Variants in GNAO1 observed in about 807,000 individuals in gnomAD.
The protein encoded by GNAO1 is guanine nucleotide-binding protein G(o) subunit alpha.
For missense variants in GNAO1, 166 were observed against 478.7 expected, an observed-to-expected ratio of 0.35 and a Z score of 6.10; for synonymous variants, 164 against 180.7, an observed-to-expected ratio of 0.91 and a Z score of 0.74.
chr16:56,213,983 C>A (rs1316691794), intron 2 of GNAO1, among the ~76,000 whole-genome samples: 1 of 152,088 alleles, frequency 6.6e-6, no homozygotes. Context: ...ATTCCGCTGC[C>A]AGGCCTAGGG....
At chr16:56,344,096 TCCTCCACCCGCA>T in intron 6 of GNAO1, 1 of 1,460,262 alleles carries the variant, frequency 6.8e-7, no homozygotes, top group East Asian at 2.5e-5. Flanking sequence ...GGAGGGAGCA[TCCTCCACCCGCA>T]CCCCCCAACA....
intron 2 of GNAO1, among the ~76,000 whole-genome samples, chr16:56,228,840 C>T (rs1375200134): frequency 6.6e-6 from 1 of 152,206 alleles, no homozygotes; most frequent in Non-Finnish European, 1.5e-5. Flanking sequence ...CTTCACTTAC[C>T]CTGCTTCATA....
chr16:56,331,480 G>A (rs1477107904), intron 4 of GNAO1, among the ~76,000 whole-genome samples: 1 of 152,154 alleles, frequency 6.6e-6, no homozygotes, highest in Non-Finnish European at 1.5e-5. Flanking sequence ...ATGGCTCATA[G>A]CCCAGTCCTA....
At chr16:56,296,920 A>G (rs9937815) in intron 3 of GNAO1, among the ~76,000 whole-genome samples, 42,716 of 151,992 alleles carry the variant, frequency 0.28, 6,469 homozygotes, top group Middle Eastern at 0.36. Context: ...TACAAGGTAT[A>G]CATTATTCAG....
intron 2 of GNAO1, among the ~76,000 whole-genome samples, chr16:56,237,748 T>C (rs1444838935): frequency 6.6e-6 from 1 of 151,742 alleles, no homozygotes; most frequent in Non-Finnish European, 1.5e-5. Flanking sequence ...TGCAAAGAAA[T>C]AACAAACACT....
intron 3 of GNAO1, among the ~76,000 whole-genome samples, chr16:56,294,632 A>G (rs565512625): frequency 1.8e-4 from 27 of 152,316 alleles, no homozygotes; most frequent in Admixed American, 5.9e-4. Flanking sequence ...GTAACTACCC[A>G]GGAATAGAAT....
At chr16:56,261,016 A>G (rs1046239048) in intron 2 of GNAO1, among the ~76,000 whole-genome samples, 6 of 152,226 alleles carry the variant, frequency 3.9e-5, no homozygotes, top group African/African-American at 1.4e-4. Flanking sequence ...ACGTCCATGT[A>G]GTCAGAGATG....
At chr16:56,227,619 T>C (rs2036543642) in intron 2 of GNAO1, among the ~76,000 whole-genome samples, 1 of 130,746 alleles carries the variant, frequency 7.6e-6, no homozygotes, top group African/African-American at 2.9e-5. Flanking sequence ...GCCCAGGAGG[T>C]CAAGGCTATA....
At chr16:56,289,184 G>C (rs2037205674) in intron 3 of GNAO1, among the ~76,000 whole-genome samples, 1 of 152,230 alleles carries the variant, frequency 6.6e-6, no homozygotes, top group Non-Finnish European at 1.5e-5. Flanking sequence ...AGGAGGGGCA[G>C]CCTTGGTGAG....
intron 6 of GNAO1, chr16:56,347,595 A>C: frequency 1.0e-6 from 1 of 984,778 alleles, no homozygotes; most frequent in Non-Finnish European, 1.2e-6. Flanking sequence ...CCCCCAGTCC[A>C]AACTCCTGGA....
chr16:56,202,918 G>A (rs1338342311), intron 2 of GNAO1, among the ~76,000 whole-genome samples: 2 of 152,166 alleles, frequency 1.3e-5, no homozygotes, highest in African/African-American at 4.8e-5. Flanking sequence ...CAGAGGAACC[G>A]GGTAATAACC....
chr16:56,201,207 A>G (rs1232857143), intron 2 of GNAO1, among the ~76,000 whole-genome samples: 1 of 152,212 alleles, frequency 6.6e-6, no homozygotes, highest in Admixed American at 6.5e-5. Context: ...TCTAGGCAGG[A>G]AGTTCAGGGA....
rs370479315 is a variant in GNAO1, at chr16:56,213,120, G to T, written c.161+20504G>T. On this transcript the variant is annotated intron_variant, in intron 2 of 8. Transcript: ENST00000262493. ...AGTTGCTACTTTTTGGTCAAGACCC[G>T]CTCTAGGAATTCTTCCAGGGAAGAG... Among the ~76,000 whole-genome samples the T allele has an allele frequency of 3.3e-5, 5 of 152,330 alleles. No individual in the cohort carries two copies. The East Asian group carries it at 7.7e-4, about 24-fold the overall frequency.
chr16:56,213,933 C>T (rs1294858392), intron 2 of GNAO1, among the ~76,000 whole-genome samples: 1 of 152,036 alleles, frequency 6.6e-6, no homozygotes, highest in Non-Finnish European at 1.5e-5. Flanking sequence ...CCATCACAGA[C>T]TCGTGTAGAC....
At chr16:56,284,062 A>T (rs1477863574) in intron 3 of GNAO1, among the ~76,000 whole-genome samples, 1 of 151,988 alleles carries the variant, frequency 6.6e-6, no homozygotes, top group Non-Finnish European at 1.5e-5. Flanking sequence ...CAATTTGGGG[A>T]CTCATTTTCT....
At chr16:56,232,671 A>T (rs968825503) in intron 2 of GNAO1, among the ~76,000 whole-genome samples, 12 of 152,202 alleles carry the variant, frequency 7.9e-5, no homozygotes, top group Non-Finnish European at 7.3e-5. Context: ...GACCACTCAC[A>T]CAAGGGAGTA....
chr16:56,344,058 A>G (rs1460775150), intron 6 of GNAO1: 85 of 1,516,286 alleles, frequency 5.6e-5, no homozygotes, highest in Non-Finnish European at 7.1e-5. Flanking sequence ...GAGGAAGAAG[A>G]CCTCAGAGGC....
chr16:56,234,373 G>A (rs1405291800), intron 2 of GNAO1, among the ~76,000 whole-genome samples: 1 of 152,260 alleles, frequency 6.6e-6, no homozygotes. Flanking sequence ...GGTTGGTGGG[G>A]TGGGGCAGTT....
intron 2 of GNAO1, among the ~76,000 whole-genome samples, chr16:56,266,520 C>CT (rs1419747794): frequency 6.6e-6 from 1 of 152,214 alleles, no homozygotes; most frequent in Non-Finnish European, 1.5e-5. Context: ...ACTGTCTGGC[C>CT]CCCCAGCACC....
Sources: gnomAD v4.1 joint callset for allele counts (sites outside exome capture counted in the v4.1 genomes callset) on GRCh38, gnomAD v4.1.1 for gene constraint, MANE v1.5 for transcripts, NCBI Gene and HGNC (gene_info 2026-07-23, HGNC 2026-07-21) for gene names.